ZNF536: variants seen among roughly 807,000 people sequenced by gnomAD.
The protein encoded by ZNF536 is zinc finger protein 536.
ZNF536 carries 13 observed loss-of-function variants against 84.5 expected under a neutral mutation model. The ratio of observed to expected loss-of-function variants is 0.15; its 90% CI spans 0.10 to 0.24. The LOEUF is 0.24. Among genes scored for constraint, ZNF536 ranks in the 10% least tolerant of loss-of-function variants. The probability of loss-of-function intolerance (pLI) is 1.00; values close to 1 mark genes in which losing one functional copy is unlikely to be tolerated. For missense variants in ZNF536, 1,536 were observed against 1,747.5 expected (o/e 0.88, Z 2.16); for synonymous variants, 811 against 742.5 (o/e 1.09, Z -1.50).
intron 2 of ZNF536, among the ~76,000 whole-genome samples, chr19:30,470,326 A>G (rs771707227): frequency 6.6e-6 from 1 of 152,174 alleles, no homozygotes; most frequent in South Asian, 2.1e-4. Flanking sequence ...CCTGTTGTTA[A>G]TATCACTGTG....
intron 2 of ZNF536, among the ~76,000 whole-genome samples, chr19:30,503,243 A>T (rs751201370): frequency 3.9e-5 from 6 of 152,246 alleles, no homozygotes; most frequent in Non-Finnish European, 8.8e-5. Context: ...TGCTAAATAC[A>T]TGATAGATGA....
upstream of ZNF536, among the ~76,000 whole-genome samples, chr19:30,228,083 G>T (rs1414316126): frequency 6.6e-6 from 1 of 152,020 alleles, no homozygotes; most frequent in Admixed American, 6.5e-5. This position sits in a 1 kb window ranked among gnomAD's most constrained non-coding sequence, Gnocchi z 4.5. Context: ...TGTGGAAGGG[G>T]TGGTGAGACT....
rs141204726 is a variant in ZNF536, at chr19:30,436,344, G to A, written c.-2-7217G>A. The A allele has an allele frequency of 2.8e-3, 575 of 206,962 alleles. 5 individuals carry two copies. The highest frequency in any genetic ancestry group is 0.013 in the African/African-American group (541 of 42,480). 12.8% of individuals were successfully genotyped at this position (206,962 alleles called of 1,614,324 possible). ...TCAGTCAAAATGGAACAGGTCACCC[G>A]CGCTGCCCTCCTGTTCATCTATTAA... On this transcript the variant is annotated intron_variant, in intron 1 of 4. Transcript: ENST00000355537.
intron 1 of ZNF536, among the ~76,000 whole-genome samples, chr19:30,408,888 T>C (rs1250386890): frequency 6.6e-6 from 1 of 151,968 alleles, no homozygotes; most frequent in East Asian, 1.9e-4. Flanking sequence ...ATCCTTCATC[T>C]ATCATCATCC....
intron 2 of ZNF536, among the ~76,000 whole-genome samples, chr19:30,467,723 A>G (rs569647302): frequency 7.1e-4 from 108 of 152,302 alleles, no homozygotes; most frequent in African/African-American, 2.5e-3. Context: ...GTGCTGTGCT[A>G]TGGGGTCTGG....
chr19:30,632,833 A>G (rs2048939981), intron 1 of ZNF536, among the ~76,000 whole-genome samples: 1 of 152,234 alleles, frequency 6.6e-6, no homozygotes, highest in Non-Finnish European at 1.5e-5. Flanking sequence ...ATTAGAAAGA[A>G]GTCAAAATCC....
chr19:30,644,791 A>T (rs2049403718), intron 1 of ZNF536, among the ~76,000 whole-genome samples: 1 of 152,172 alleles, frequency 6.6e-6, no homozygotes, highest in South Asian at 2.1e-4. Flanking sequence ...GGTTGGTTCC[A>T]AGTCTTTCCT....
intron 2 of ZNF536, among the ~76,000 whole-genome samples, chr19:30,316,626 G>A (rs1418365788): frequency 1.3e-5 from 2 of 152,290 alleles, no homozygotes; most frequent in East Asian, 1.9e-4. Context: ...CTACAAAGAC[G>A]AGGTACCAGG....
chr19:30,285,719 T>G (rs187191102), intron 2 of ZNF536, among the ~76,000 whole-genome samples: 1 of 152,156 alleles, frequency 6.6e-6, no homozygotes, highest in South Asian at 2.1e-4. Flanking sequence ...ATTATTGAAA[T>G]TTTGGACTGG....
chr19:30,322,017 G>A (rs972734732), intron 2 of ZNF536, among the ~76,000 whole-genome samples: 30 of 151,980 alleles, frequency 2.0e-4, no homozygotes, highest in Admixed American at 1.4e-3. Context: ...CTCGTGATCC[G>A]CCTGCCTTGG....
intron 2 of ZNF536, among the ~76,000 whole-genome samples, chr19:30,350,911 A>C (rs764410555): frequency 6.6e-6 from 1 of 152,218 alleles, no homozygotes; most frequent in Non-Finnish European, 1.5e-5. Context: ...CTTATCCTCC[A>C]AGTCTCAGAA....
At chr19:30,609,339 G>GA (rs570529404) in intron 1 of ZNF536, among the ~76,000 whole-genome samples, 52 of 152,240 alleles carry the variant, frequency 3.4e-4, no homozygotes, top group Admixed American at 5.2e-4. Context: ...ATCACCTCTG[G>GA]ACACTTTCTA....
At chr19:30,295,656 G>C (rs1036805803) in intron 2 of ZNF536, among the ~76,000 whole-genome samples, 1 of 152,138 alleles carries the variant, frequency 6.6e-6, no homozygotes, top group Non-Finnish European at 1.5e-5. Context: ...TCCAGGACAC[G>C]CAGAGCCCTG....
At chr19:30,519,087 G>A (rs2044212872) in intron 2 of ZNF536, among the ~76,000 whole-genome samples, 1 of 152,216 alleles carries the variant, frequency 6.6e-6, no homozygotes, top group African/African-American at 2.4e-5. Flanking sequence ...AGAACGAACG[G>A]CCTGAGGTGC....
At chr19:30,592,841 A>C (rs2146814726) in intron 1 of ZNF536, among the ~76,000 whole-genome samples, 1 of 152,362 alleles carries the variant, frequency 6.6e-6, no homozygotes, top group South Asian at 2.1e-4. Flanking sequence ...ATTGCTAGAT[A>C]TAGCGCATTT....
chr19:30,437,844 C>T (rs1269002883), intron 1 of ZNF536, among the ~76,000 whole-genome samples: 1 of 152,202 alleles, frequency 6.6e-6, no homozygotes, highest in East Asian at 1.9e-4. Flanking sequence ...TCATTTGTTC[C>T]TTCCATCAAT....
intron 1 of ZNF536, among the ~76,000 whole-genome samples, chr19:30,640,609 C>CCCTGGTAAGACG (rs2049234688): frequency 6.6e-6 from 1 of 152,218 alleles, no homozygotes; most frequent in African/African-American, 2.4e-5. Flanking sequence ...CCTGCACCGT[C>CCCTGGTAAGACG]TTACCAGCCT....
chr19:30,358,513 G>T (rs2048169069), intron 3 of ZNF536, among the ~76,000 whole-genome samples: 1 of 152,226 alleles, frequency 6.6e-6, no homozygotes, highest in South Asian at 2.1e-4. Context: ...CCACTGAGTG[G>T]TTAGCAATCA....
chr19:30,314,420 C>G (rs2046611493), intron 2 of ZNF536, among the ~76,000 whole-genome samples: 1 of 152,090 alleles, frequency 6.6e-6, no homozygotes, highest in African/African-American at 2.4e-5. Flanking sequence ...CTCAGGTGCC[C>G]TTGGTACCTG....
Sources: gnomAD v4.1 joint callset for allele counts (sites outside exome capture counted in the v4.1 genomes callset) on GRCh38, gnomAD v4.1.1 for gene constraint, Gnocchi (gnomAD v3.1) non-coding constraint, MANE v1.5 for transcripts, NCBI Gene and HGNC (gene_info 2026-07-23, HGNC 2026-07-21) for gene names.